Variants in KIF6 observed in about 807,000 individuals in gnomAD.
KIF6 encodes kinesin family member 6.
In KIF6, 106 loss-of-function variants were observed where a neutral mutation model predicts 112.7. The observed-to-expected ratio is 0.94, with a 90% CI of 0.80 to 1.11. KIF6 has a LOEUF of 1.11. Among genes scored for constraint, KIF6 ranks in the 50% least tolerant of loss-of-function variants. KIF6 has a pLI of 0.00. For synonymous variants in KIF6, 339 were observed against 339.9 expected (o/e 1.00, Z 0.03); for missense variants, 929 against 964.0 (o/e 0.96, Z 0.48).
chr6:39,624,247 CG>C (rs1783973498), intron 5 of KIF6, among the ~76,000 whole-genome samples: 1 of 152,022 alleles, frequency 6.6e-6, no homozygotes, highest in Non-Finnish European at 1.5e-5. Context: ...ATTGAAGAGA[CG>C]AATACAGATT....
At chr6:39,617,992 G>C (rs1180772807) in intron 5 of KIF6, among the ~76,000 whole-genome samples, 2 of 152,220 alleles carry the variant, frequency 1.3e-5, no homozygotes, top group Non-Finnish European at 2.9e-5. Context: ...TTAGGGAAAA[G>C]CAGAGATGTA....
chr6:39,384,308 T>C (rs1412016899), intron 16 of KIF6, among the ~76,000 whole-genome samples: 1 of 152,158 alleles, frequency 6.6e-6, no homozygotes, highest in Non-Finnish European at 1.5e-5. Flanking sequence ...CAGAGGCCCA[T>C]AAGGTCACCT....
chr6:39,433,917 C>CTAA (rs1053273690), intron 13 of KIF6, among the ~76,000 whole-genome samples: 1 of 152,142 alleles, frequency 6.6e-6, no homozygotes, highest in African/African-American at 2.4e-5. Flanking sequence ...TTGGATTGCA[C>CTAA]TAATATACCA....
chr6:39,534,934 A>T lies in KIF6; in HGVS notation c.1645+5069T>A, dbSNP rs544276758. Among the ~76,000 whole-genome samples, 5 of 152,350 alleles carry T rather than the reference A, an allele frequency of 3.3e-5. No individual in the cohort carries two copies. The South Asian group carries it at 1.0e-3, about 32-fold the overall frequency. On this transcript the variant is annotated intron_variant, in intron 13 of 22. Transcript: ENST00000287152. ...AACGTTCTTAAAGAAAAGAATTTTC[A>T]ACCCAGAATTTCATATCCAGCCAAA...
intron 13 of KIF6, among the ~76,000 whole-genome samples, chr6:39,538,024 T>A (rs1263166826): frequency 6.6e-6 from 1 of 152,156 alleles, no homozygotes; most frequent in African/African-American, 2.4e-5. Context: ...ATGTAGAAAG[T>A]TGAAACTGAA....
chr6:39,545,661 CA>C lies in KIF6; in HGVS notation c.1208del (p.Leu403TrpfsTer10). 1.2e-6 allele frequency: 2 copies of C among 1,612,636 alleles called. No homozygotes were observed. Among genetic ancestry groups the C allele is most frequent in the Non-Finnish European group, 1.7e-6 (2 of 1,178,992 alleles). ...LQLEKLITSF[L>X]EDQDSDSRLE... ...ATCTACTGTCTGAATCCTGGTCTTC[CA>C]AAAAGGATGTTATTAGTTTTTCCAG... On this transcript the variant is annotated frameshift_variant, in exon 11 of 23. Coordinates refer to ENST00000287152, the MANE Select transcript of KIF6 (RefSeq NM_145027.6). LOFTEE classifies it high-confidence loss of function.
At chr6:39,659,537 C>T (rs1053221039) in intron 3 of KIF6, among the ~76,000 whole-genome samples, 18 of 152,136 alleles carry the variant, frequency 1.2e-4, no homozygotes, top group African/African-American at 3.9e-4. Flanking sequence ...ATAATCCCCA[C>T]GTGTTGTGGG....
At chr6:39,351,511 C>T (rs1012853125) in intron 19 of KIF6, among the ~76,000 whole-genome samples, 1 of 152,128 alleles carries the variant, frequency 6.6e-6, no homozygotes, top group African/African-American at 2.4e-5. Flanking sequence ...GCTTTAGCCT[C>T]CCAAAGTACT....
At chr6:39,398,463 T>C (rs1054840117) in intron 15 of KIF6, among the ~76,000 whole-genome samples, 1 of 152,204 alleles carries the variant, frequency 6.6e-6, no homozygotes, top group Admixed American at 6.5e-5. Flanking sequence ...GAAGGTAAAA[T>C]TTCCAGAATA....
chr6:39,588,460 C>T (rs1290224753), intron 7 of KIF6, among the ~76,000 whole-genome samples: 4 of 152,216 alleles, frequency 2.6e-5, no homozygotes, highest in Non-Finnish European at 5.9e-5. Flanking sequence ...GTGATCCACC[C>T]GCCTCGGCCT....
intron 5 of KIF6, among the ~76,000 whole-genome samples, chr6:39,624,014 G>A (rs1003525713): frequency 2.0e-5 from 3 of 152,154 alleles, no homozygotes; most frequent in African/African-American, 7.2e-5. Context: ...AACCATTGAG[G>A]GTTATGGGAG....
chr6:39,704,141 C>A (rs1230642968), intron 3 of KIF6, among the ~76,000 whole-genome samples: 1 of 151,986 alleles, frequency 6.6e-6, no homozygotes, highest in Admixed American at 6.6e-5. Flanking sequence ...GGATGAAAAT[C>A]CTTTTCTATA....
chr6:39,476,832 T>C (rs1472615732), intron 13 of KIF6, among the ~76,000 whole-genome samples: 5 of 152,276 alleles, frequency 3.3e-5, no homozygotes, highest in Admixed American at 2.0e-4. Flanking sequence ...TTTGAACATC[T>C]GTATGTTGCT....
chr6:39,509,825 G>T (rs1012707869), intron 13 of KIF6, among the ~76,000 whole-genome samples: 1 of 152,124 alleles, frequency 6.6e-6, no homozygotes, highest in Non-Finnish European at 1.5e-5. Context: ...TTATCCAGGA[G>T]AACTTCCCCA....
intron 5 of KIF6, among the ~76,000 whole-genome samples, chr6:39,617,572 T>C (rs1783585962): frequency 6.6e-6 from 1 of 152,208 alleles, no homozygotes; most frequent in South Asian, 2.1e-4. Flanking sequence ...AATGGCGCCA[T>C]GTCTGAGGGG....
chr6:39,659,480 G>A (rs1786001969), intron 3 of KIF6, among the ~76,000 whole-genome samples: 1 of 152,076 alleles, frequency 6.6e-6, no homozygotes, highest in Non-Finnish European at 1.5e-5. Flanking sequence ...CAAGTGATAC[G>A]GTTTGGGTGT....
chr6:39,506,064 TGCA>T (rs1776410160), intron 13 of KIF6, among the ~76,000 whole-genome samples: 1 of 152,240 alleles, frequency 6.6e-6, no homozygotes, highest in Admixed American at 6.5e-5. Context: ...ATATGTTCAC[TGCA>T]GCACTATTCA....
chr6:39,397,157 C>T (rs1308508677), intron 15 of KIF6, among the ~76,000 whole-genome samples: 2 of 152,212 alleles, frequency 1.3e-5, no homozygotes, highest in Admixed American at 6.5e-5. Context: ...CTTTACTAAA[C>T]CTTCTCCCTT....
At chr6:39,428,258 C>T (rs1398129310) in intron 14 of KIF6, among the ~76,000 whole-genome samples, 1 of 152,126 alleles carries the variant, frequency 6.6e-6, no homozygotes, top group East Asian at 1.9e-4. Flanking sequence ...AAGCCAGTTA[C>T]GAGTCCCTGG....
Sources: allele counts gnomAD v4.1 joint callset (sites outside exome capture counted in the v4.1 genomes callset), GRCh38; gene constraint gnomAD v4.1.1; transcripts MANE v1.5; gene names NCBI Gene and HGNC (gene_info 2026-07-23, HGNC 2026-07-21).